PRDM1: variants seen among roughly 807,000 people sequenced by gnomAD.
The protein encoded by PRDM1 is PR/SET domain 1, also known as PR domain zinc finger protein 1.
Under a neutral mutation model 62.8 loss-of-function variants are expected in PRDM1, and 13 were observed. The observed-to-expected ratio is 0.21, with a 90% confidence interval of 0.13 to 0.33. The LOEUF is 0.33. Among genes scored for constraint, PRDM1 ranks in the 10% least tolerant of loss-of-function variants. The probability of loss-of-function intolerance (pLI) is 1.00; values close to 1 mark genes in which losing one functional copy is unlikely to be tolerated. For missense variants in PRDM1, 895 were observed against 1,058.8 expected (o/e 0.85, Z 2.15); for synonymous variants, 396 against 417.6 (o/e 0.95, Z 0.63).
intron 1 of PRDM1, among the ~76,000 whole-genome samples, chr6:106,076,358 T>A (rs1189751086): frequency 6.6e-6 from 1 of 152,186 alleles, no homozygotes; most frequent in Non-Finnish European, 1.5e-5. Context: ...ATAATGGAAT[T>A]GTACTAAATT....
chr6:106,105,976 G>T (rs377350934), intron 5 of PRDM1, 43 bp downstream of exon 5: 2 of 1,567,936 alleles, frequency 1.3e-6, no homozygotes, highest in South Asian at 1.2e-5. Flanking sequence ...GTGAGTGCAT[G>T]CTTGTGTTTG....
Position 106,105,298 on chromosome 6 carries a change from T to G in PRDM1, c.1138T>G (p.Ser380Ala). The G allele has an allele frequency of 1.9e-6, 3 of 1,613,534 alleles. No homozygotes were observed. Among genetic ancestry groups the G allele is most frequent in the Non-Finnish European group, 2.5e-6 (3 of 1,179,712 alleles). Reference protein sequence around the residue: ...HRDSYAYLNASYGTEGLGSYP... With the variant: ...HRDSYAYLNAAYGTEGLGSYP... ...GGACTCCTACGCTTACTTGAACGCG[T>G]CCTACGGCACGGAAGGTTTGGGCTC... Residue 380 changes from serine (S) to alanine (A), a missense_variant, in exon 5 of 7, where the codon TCC becomes GCC. Physicochemically the swap from Ser to Ala is moderately conservative, Grantham distance 99. This residue lies in a region of PRDM1 where 444 missense variants were observed against 422.7 expected (regional missense o/e 1.05). Coordinates refer to ENST00000369096, the MANE Select transcript of PRDM1 (RefSeq NM_001198.4).
At chr6:106,094,913 ACAC>A (rs747232002) in intron 2 of PRDM1, among the ~76,000 whole-genome samples, 3 of 128,514 alleles carry the variant, frequency 2.3e-5, no homozygotes, top group Admixed American at 1.6e-4. Context: ...TAAAACACAC[ACAC>A]ACACACACAC....
intron 1 of PRDM1, among the ~76,000 whole-genome samples, chr6:106,016,220 A>G (rs1333806664): frequency 6.6e-6 from 1 of 152,182 alleles, no homozygotes; most frequent in Non-Finnish European, 1.5e-5. Flanking sequence ...TTGTCTATTC[A>G]TTCATTTGTT....
chr6:106,000,877 G>C (rs1468980260), intron 1 of PRDM1, among the ~76,000 whole-genome samples: 1 of 152,126 alleles, frequency 6.6e-6, no homozygotes, highest in African/African-American at 2.4e-5. Context: ...AGGTATAATT[G>C]TCTTTCTAGG....
chr6:105,998,573 G>A (rs1372421685), intron 1 of PRDM1, among the ~76,000 whole-genome samples: 1 of 152,084 alleles, frequency 6.6e-6, no homozygotes, highest in Non-Finnish European at 1.5e-5. Context: ...CTATACACAT[G>A]ACAGTTAATT....
At chr6:106,085,195 GGT>G (rs773041785), upstream of PRDM1, among the ~76,000 whole-genome samples, 1 of 151,826 alleles carries the variant, frequency 6.6e-6, no homozygotes, top group Non-Finnish European at 1.5e-5. Context: ...TGTGTATGTG[GGT>G]GTGTGTGTGG....
Position 106,087,977 on chromosome 6 carries a change from A to AT in PRDM1, c.43-222dup, listed in dbSNP as rs1773852964. On this transcript the variant is annotated intron_variant, in intron 1 of 6. Transcript: ENST00000369096. ...CTTTTCCCCACAGTGAGGTTGCCAC[A>AT]TTCTTTTTTTTTTTTTTTTTTTTAA... is the stretch of plus-strand genomic sequence containing the variant. 2.5e-5 allele frequency: 6 copies of AT among 244,456 alleles called. No individual in the cohort carries two copies. The South Asian group carries it at 2.8e-4, about 11-fold the overall frequency. The allele number at this position is 244,456 out of a possible 1,614,324, so 15.1% of individuals were successfully genotyped here. A position where few individuals can be genotyped will look rare whatever the true frequency, so the allele number is the denominator to read the frequency against.
intron 1 of PRDM1, chr6:106,087,785 C>G (rs990475910): frequency 1.7e-5 from 4 of 234,440 alleles, no homozygotes; most frequent in Non-Finnish European, 3.4e-5. Context: ...CTTCCTCTTC[C>G]TCTCCTTGTT....
At chr6:106,065,746 AG>A (rs1192547789) in intron 1 of PRDM1, among the ~76,000 whole-genome samples, 1 of 152,234 alleles carries the variant, frequency 6.6e-6, no homozygotes, top group African/African-American at 2.4e-5. Context: ...ATAAGAGGTT[AG>A]GATAAAAGAA....
At chr6:106,096,337 G>A (rs566637458) in intron 3 of PRDM1, among the ~76,000 whole-genome samples, 14 of 152,126 alleles carry the variant, frequency 9.2e-5, no homozygotes, top group African/African-American at 3.4e-4. Flanking sequence ...TAGTAGAGAC[G>A]GGGTTCCACT....
At chr6:106,057,542 T>TC (rs1459615149) in intron 1 of PRDM1, among the ~76,000 whole-genome samples, 11 of 152,224 alleles carry the variant, frequency 7.2e-5, no homozygotes, top group Admixed American at 7.2e-4. Flanking sequence ...GTATTTTTTT[T>TC]CCTTCTGAAT....
rs1002838748 is a variant in PRDM1, at chr6:106,012,523, T to G, written c.-67+18884T>G. 2.0e-5 allele frequency among the ~76,000 whole-genome samples: 3 copies of G among 151,376 alleles called. No homozygotes were observed. The East Asian group carries it at 5.9e-4, about 30-fold the overall frequency. The stretch of plus-strand genomic sequence containing the variant: ...TTACACACATACCATACTACACACA[T>G]GCACACACTGGCATACCAGCCCCAC... On this transcript the variant is annotated intron_variant, in intron 1 of 6. Coordinates refer to the PRDM1 transcript ENST00000652320.
chr6:106,105,999 T>A (rs1432972131), intron 5 of PRDM1, 66 bp downstream of exon 5: 2 of 1,546,222 alleles, frequency 1.3e-6, no homozygotes, highest in Admixed American at 3.9e-5. Context: ...TTTAGCTTGC[T>A]TTCCATGGGG....
intron 1 of PRDM1, among the ~76,000 whole-genome samples, chr6:106,011,744 A>G (rs975222602): frequency 7.2e-5 from 11 of 152,006 alleles, no homozygotes; most frequent in Non-Finnish European, 1.5e-4. Context: ...TCAACATTCA[A>G]TTTAAATGAA....
intron 1 of PRDM1, among the ~76,000 whole-genome samples, chr6:106,019,145 A>G (rs142918272): frequency 4.0e-4 from 61 of 151,390 alleles, no homozygotes; most frequent in African/African-American, 1.4e-3. Flanking sequence ...ACACACCTAT[A>G]GTCCCAGCTA....
chr6:106,000,991 G>A (rs950518417), intron 1 of PRDM1, among the ~76,000 whole-genome samples: 4 of 152,138 alleles, frequency 2.6e-5, no homozygotes, highest in South Asian at 2.1e-4. Flanking sequence ...AATTTACACC[G>A]ATACTATTAT....
At chr6:106,002,087 G>A (rs1425462948) in intron 1 of PRDM1, among the ~76,000 whole-genome samples, 1 of 151,876 alleles carries the variant, frequency 6.6e-6, no homozygotes, top group Admixed American at 6.6e-5. Context: ...ATTGGAGCTT[G>A]ACTAAGCTGA....
Position 106,107,053 on chromosome 6 carries a change from C to A in PRDM1, c.2045C>A (p.Thr682Asn), listed in dbSNP as rs770712721. ...VHLKLHKRLHTRERPHKCSQC... is the reference protein window; with the variant it reads ...VHLKLHKRLHNRERPHKCSQC... Reference sequence around the variant, plus strand: ...CTGAAACTGCACAAGCGTCTGCACACCCGGGAGCGGCCCCACAAGTGCTCC... The same window carrying A: ...CTGAAACTGCACAAGCGTCTGCACAACCGGGAGCGGCCCCACAAGTGCTCC... Residue 682 changes from threonine to asparagine, a missense_variant, in exon 7 of 7, where the codon ACC (threonine) becomes AAC (asparagine). Coordinates refer to ENST00000369096, the MANE Select transcript of PRDM1 (RefSeq NM_001198.4). The A allele has an allele frequency of 6.2e-7, 1 of 1,614,230 alleles. No individual in the cohort carries two copies. Among genetic ancestry groups the A allele is most frequent in the South Asian group, 1.1e-5 (1 of 91,090 alleles).
Sources: gnomAD v4.1 joint callset for allele counts (sites outside exome capture counted in the v4.1 genomes callset) on GRCh38, gnomAD v4.1.1 for gene constraint, gnomAD v4.1.1 regional missense constraint, MANE v1.5 for transcripts, NCBI Gene and HGNC (gene_info 2026-07-23, HGNC 2026-07-21) for gene names.